The following SLC10A7 variants were observed in gnomAD, a reference collection of about 807,000 sequenced individuals.
The protein encoded by SLC10A7 is solute carrier family 10 member 7.
Under a neutral mutation model 43.2 loss-of-function variants are expected in SLC10A7, and 29 were observed. That is an observed-to-expected ratio of 0.67 (90% CI 0.50 to 0.92). The LOEUF (loss-of-function observed/expected upper bound fraction) is 0.92, where lower values mean the gene tolerates loss of function less well. Ranked by LOEUF, SLC10A7 falls within the 40% of genes least tolerant of loss-of-function variation. The pLI, the probability that SLC10A7 is intolerant of heterozygous loss-of-function variation, is 0.00. For missense variants in SLC10A7, 295 were observed against 403.2 expected, an observed-to-expected ratio of 0.73 and a Z score of 2.30; for synonymous variants, 152 against 144.8, an observed-to-expected ratio of 1.05 and a Z score of -0.35.
At chr4:146,322,065 T>C (rs553301015) in intron 6 of SLC10A7, among the ~76,000 whole-genome samples, 1 of 152,090 alleles carries the variant, frequency 6.6e-6, no homozygotes, top group African/African-American at 2.4e-5. Flanking sequence ...TTATTGTAGC[T>C]CTATAATTTT....
intron 4 of SLC10A7, among the ~76,000 whole-genome samples, chr4:146,489,889 A>G (rs1231753394): frequency 6.6e-6 from 1 of 152,098 alleles, no homozygotes; most frequent in Admixed American, 6.5e-5. Flanking sequence ...AGTTAAGCCC[A>G]AAGTTTATCA....
chr4:146,480,087 A>C (rs1360062868), intron 4 of SLC10A7, among the ~76,000 whole-genome samples: 1 of 151,346 alleles, frequency 6.6e-6, no homozygotes, highest in Admixed American at 6.6e-5. Context: ...TCTTAATATT[A>C]ATGTGTATTT....
chr4:146,396,783 A>T (rs1426204779), intron 5 of SLC10A7, among the ~76,000 whole-genome samples: 2 of 150,412 alleles, frequency 1.3e-5, no homozygotes, highest in African/African-American at 4.9e-5. Flanking sequence ...ATTCCGGACC[A>T]CTACTTCCTT....
chr4:146,299,311 G>A (rs1210680682), intron 7 of SLC10A7, among the ~76,000 whole-genome samples: 1 of 152,206 alleles, frequency 6.6e-6, no homozygotes, highest in Non-Finnish European at 1.5e-5. Context: ...ACATTACACA[G>A]TTGAGGTGAC....
chr4:146,491,713 AAGGAAGGAAGGAAG>A (rs1429099716), intron 4 of SLC10A7, among the ~76,000 whole-genome samples: 62 of 148,900 alleles, frequency 4.2e-4, no homozygotes, highest in African/African-American at 1.5e-3. Flanking sequence ...GGAAGGAAGG[AAGGAAGGAAGGAAG>A]GAAGGAAGGA....
At position 146,368,803 on chromosome 4, in the gene SLC10A7, G is replaced by A. The variant is rs963336900; in HGVS notation, c.436-42807C>T. Among the ~76,000 whole-genome samples, 6 of 152,164 alleles carry A rather than the reference G, an allele frequency of 3.9e-5. No homozygotes were observed. The East Asian group carries it at 7.7e-4, about 20-fold the overall frequency. On this transcript the variant is annotated intron_variant, in intron 5 of 11. Coordinates refer to ENST00000335472, the MANE Select transcript of SLC10A7 (RefSeq NM_001029998.6). ...TAACCTGGGAAAAAAATGATAATTC[G>A]TAAAAGACAACTCCTACTAGTTAGT...
chr4:146,410,915 C>T (rs958479764), intron 5 of SLC10A7, among the ~76,000 whole-genome samples: 2 of 152,082 alleles, frequency 1.3e-5, no homozygotes, highest in African/African-American at 4.8e-5. Context: ...CTCACTGCAA[C>T]CTCCGCCTCT....
intron 2 of SLC10A7, among the ~76,000 whole-genome samples, chr4:146,515,667 T>TA (rs1172886793): frequency 6.6e-6 from 1 of 151,986 alleles, no homozygotes; most frequent in Non-Finnish European, 1.5e-5. Flanking sequence ...CCCAACACTA[T>TA]GGGAGGCTGA....
chr4:146,391,691 T>C (rs1269641540), intron 5 of SLC10A7, among the ~76,000 whole-genome samples: 2 of 152,184 alleles, frequency 1.3e-5, no homozygotes, highest in Non-Finnish European at 2.9e-5. Context: ...CTCTAATCAG[T>C]AATTGTCATT....
chr4:146,457,110 C>T (rs1732131574), intron 4 of SLC10A7, among the ~76,000 whole-genome samples: 1 of 151,878 alleles, frequency 6.6e-6, no homozygotes, highest in South Asian at 2.1e-4. Context: ...ATGAGTGTGG[C>T]TGTGTTCCAA....
At chr4:146,408,016 A>G (rs1458332217) in intron 5 of SLC10A7, among the ~76,000 whole-genome samples, 1 of 152,128 alleles carries the variant, frequency 6.6e-6, no homozygotes, top group African/African-American at 2.4e-5. Flanking sequence ...TTGGATAGAT[A>G]CTCAATTTCT....
chr4:146,354,681 A>G (rs1735433308), intron 5 of SLC10A7, among the ~76,000 whole-genome samples: 1 of 151,378 alleles, frequency 6.6e-6, no homozygotes, highest in East Asian at 1.9e-4. Context: ...GTACTGTACC[A>G]AAACAGAGAT....
intron 7 of SLC10A7, 143 bp from the exon 8 acceptor site, chr4:146,294,238 C>A (rs1730632531): frequency 1.8e-6 from 1 of 564,338 alleles, no homozygotes; most frequent in Non-Finnish European, 3.0e-6. Flanking sequence ...CAAAGCTTCC[C>A]TGCCACACTA....
intron 3 of SLC10A7, among the ~76,000 whole-genome samples, chr4:146,509,381 A>G (rs1038162847): frequency 6.6e-6 from 1 of 152,242 alleles, no homozygotes; most frequent in African/African-American, 2.4e-5. Context: ...TTTTCTAGAC[A>G]GGGAAATTGA....
At chr4:146,519,941 A>T (rs1361303707) in intron 1 of SLC10A7, among the ~76,000 whole-genome samples, 1 of 152,232 alleles carries the variant, frequency 6.6e-6, no homozygotes, top group South Asian at 2.1e-4. Context: ...TCTATGATAC[A>T]ATAATGTACC....
At chr4:146,519,512 A>ATATTAAATAATTT (rs1738416200) in intron 1 of SLC10A7, among the ~76,000 whole-genome samples, 1 of 151,976 alleles carries the variant, frequency 6.6e-6, no homozygotes, top group Admixed American at 6.6e-5. Flanking sequence ...GGGAGAAGGC[A>ATATTAAATAATTT]AGTGCAAAAG....
intron 4 of SLC10A7, among the ~76,000 whole-genome samples, chr4:146,453,420 A>G (rs1432217715): frequency 1.3e-5 from 2 of 152,014 alleles, no homozygotes; most frequent in Non-Finnish European, 2.9e-5. Flanking sequence ...ACAGTCTTAC[A>G]GCCTATTTTT....
At chr4:146,471,657 G>A (rs1449939445) in intron 4 of SLC10A7, among the ~76,000 whole-genome samples, 2 of 152,068 alleles carry the variant, frequency 1.3e-5, no homozygotes, top group Non-Finnish European at 2.9e-5. Context: ...CGTCATTATG[G>A]CAAGCATTTA....
intron 6 of SLC10A7, among the ~76,000 whole-genome samples, chr4:146,307,377 G>A (rs1392458051): frequency 2.0e-5 from 3 of 152,116 alleles, no homozygotes; most frequent in Non-Finnish European, 4.4e-5. Context: ...AAGTGAAACT[G>A]GAAAAGAACA....
Sources: allele counts gnomAD v4.1 joint callset (sites outside exome capture counted in the v4.1 genomes callset), GRCh38; gene constraint gnomAD v4.1.1; transcripts MANE v1.5; gene names NCBI Gene and HGNC (gene_info 2026-07-23, HGNC 2026-07-21).